The following ADGRG2 variants were observed in gnomAD, a reference collection of about 807,000 sequenced individuals.
ADGRG2 encodes the protein adhesion G protein-coupled receptor G2, also known as G protein-coupled receptor 64.
In ADGRG2, 26 loss-of-function variants were observed where a neutral mutation model predicts 74.1. That is an observed-to-expected ratio of 0.35 (90% CI 0.26 to 0.49). The LOEUF (loss-of-function observed/expected upper bound fraction) is 0.49, where lower values mean the gene tolerates loss of function less well. Among genes scored for constraint, ADGRG2 ranks in the 20% least tolerant of loss-of-function variants. ADGRG2 has a pLI of 0.99. For missense variants in ADGRG2, 619 were observed against 763.1 expected, an observed-to-expected ratio of 0.81 and a Z score of 2.22; for synonymous variants, 296 against 295.2, an observed-to-expected ratio of 1.00 and a Z score of -0.03.
At chrX:19,024,439 C>T in intron 11 of ADGRG2, among the ~76,000 whole-genome samples, 2 of 112,071 alleles carry the variant, frequency 1.8e-5, no homozygotes, top group Non-Finnish European at 3.8e-5. Flanking sequence ...CTTTCCTCTC[C>T]TCCAATCCCA....
chrX:19,093,007 T>A (rs151207898), intron 1 of ADGRG2, among the ~76,000 whole-genome samples: 1,515 of 112,185 alleles, frequency 0.014, 29 homozygotes, highest in African/African-American at 0.046. Flanking sequence ...TTCACCTTTA[T>A]ATTAACAAAC....
At chrX:19,070,767 T>C (rs4825283) in intron 2 of ADGRG2, among the ~76,000 whole-genome samples, 32,106 of 111,005 alleles carry the variant, frequency 0.29, 3,479 homozygotes, top group East Asian at 0.42. Context: ...TGGTGAAGAC[T>C]AAAGAGCATG....
At chrX:19,004,040 C>T (rs954551228) in intron 23 of ADGRG2, among the ~76,000 whole-genome samples, 21 of 112,129 alleles carry the variant, frequency 1.9e-4, no homozygotes, top group African/African-American at 6.2e-4. Context: ...CTAGAAGATC[C>T]GTAGTCACAG....
In ADGRG2 at chrX:19,013,988, C is replaced by T. The variant is rs750514534; in HGVS notation, c.797G>A (p.Arg266Gln). ...SSSQSIPVVP[R>Q]ATVLSQVPKA... ...GGGGACCTGGGAAAGCACAGTGGCC[C>T]GAGGCACCACTGGGATGGATTGGCT... The change falls in exon 16 of 29, where the codon CGG becomes CAG. Residue 266 changes from arginine (R) to glutamine (Q), a missense_variant. By Grantham distance (43) the Arg-to-Gln change is conservative. Coordinates refer to ENST00000379869, the MANE Select transcript of ADGRG2 (RefSeq NM_001079858.3). 6 of 1,207,008 alleles carry T rather than the reference C, an allele frequency of 5.0e-6. No individual in the cohort carries two copies. The highest frequency in any genetic ancestry group is 2.2e-5 in the Admixed American group (1 of 45,527).
At chrX:19,070,229 T>C (rs1357607424) in intron 2 of ADGRG2, among the ~76,000 whole-genome samples, 3 of 112,961 alleles carry the variant, frequency 2.7e-5, no homozygotes, top group Admixed American at 9.3e-5. Context: ...TTTTGTTGCA[T>C]ATTATTTTAT....
At position 19,047,833 on chromosome X, in the gene ADGRG2, C is replaced by G. The variant is rs147557733; in HGVS notation, c.119-7609G>C. Among the ~76,000 whole-genome samples, 640 of 111,815 alleles carry G rather than the reference C, an allele frequency of 5.7e-3. 7 individuals are homozygous for G. Among genetic ancestry groups the G allele is most frequent in the African/African-American group, 0.02 (600 of 30,754 alleles). On this transcript the variant is annotated intron_variant, in intron 3 of 28. Transcript: ENST00000379869. ...GGCATTTTCCGAGTTTACTACATAA[C>G]CCCCAAAACTGAATGAAAACATTTC... is the stretch of plus-strand genomic sequence containing the variant.
intron 1 of ADGRG2, among the ~76,000 whole-genome samples, chrX:19,087,911 A>G (rs1214585440): frequency 3.6e-5 from 4 of 110,877 alleles, no homozygotes; most frequent in Non-Finnish European, 5.7e-5. Context: ...TCCCTAGCTT[A>G]AGGCTTGCCA....
At chrX:19,058,441 C>G in intron 3 of ADGRG2, among the ~76,000 whole-genome samples, 1 of 110,761 alleles carries the variant, frequency 9.0e-6, no homozygotes, top group Non-Finnish European at 1.9e-5. Context: ...AGGAGCAAGG[C>G]AAAAATGTCT....
chrX:19,115,876 A>G (rs908389491), intron 1 of ADGRG2, among the ~76,000 whole-genome samples: 2 of 110,383 alleles, frequency 1.8e-5, no homozygotes, highest in African/African-American at 6.6e-5. Context: ...ACTGCACTCC[A>G]GCCTGGGCTA....
At chrX:19,092,926 A>G (rs2062035937) in intron 1 of ADGRG2, among the ~76,000 whole-genome samples, 1 of 112,149 alleles carries the variant, frequency 8.9e-6, no homozygotes, top group Non-Finnish European at 1.9e-5. Flanking sequence ...GAGAATATAA[A>G]TTACAGAAGG....
Position 18,996,100 on chromosome X carries a change from T to C in ADGRG2, c.2667A>G (p.Gln889=). The C allele has an allele frequency of 1.7e-6, 2 of 1,194,768 alleles. No homozygotes were observed. Among genetic ancestry groups the C allele is most frequent in the Non-Finnish European group, 2.3e-6 (2 of 880,598 alleles). ...YCVAKENVRK[Q]WRRYLCCGKL... ...TTCCACAACAAAGATACCGCCTCCATTGCTTCCTGACATTTTCTTTGGCCA... is the reference window on the plus strand; with the variant it reads ...TTCCACAACAAAGATACCGCCTCCACTGCTTCCTGACATTTTCTTTGGCCA... Residue 889 remains glutamine, a synonymous_variant, in exon 27 of 29, where the codon CAA becomes CAG. Coordinates refer to ENST00000379869, the MANE Select transcript of ADGRG2 (RefSeq NM_001079858.3).
At chrX:19,018,873 T>C (rs1359270097) in intron 15 of ADGRG2, among the ~76,000 whole-genome samples, 1 of 112,049 alleles carries the variant, frequency 8.9e-6, no homozygotes. Context: ...GACGGAGTCT[T>C]GCACTTTCAC....
chrX:19,056,550 G>A (rs2061413214), intron 3 of ADGRG2, among the ~76,000 whole-genome samples: 1 of 112,146 alleles, frequency 8.9e-6, no homozygotes, highest in Non-Finnish European at 1.9e-5. Context: ...AAACCATTAA[G>A]AGGGTTGGAA....
intron 2 of ADGRG2, among the ~76,000 whole-genome samples, chrX:19,080,378 C>T (rs1214206583): frequency 9.0e-6 from 1 of 111,058 alleles, no homozygotes; most frequent in East Asian, 2.8e-4. Flanking sequence ...CCAATGCTTG[C>T]AGTATGTTTA....
At chrX:19,100,511 A>G (rs1046809899) in intron 1 of ADGRG2, among the ~76,000 whole-genome samples, 3 of 112,960 alleles carry the variant, frequency 2.7e-5, no homozygotes, top group African/African-American at 9.6e-5. Flanking sequence ...ATGCTATATA[A>G]AATTGCAACC....
At chrX:19,105,728 T>C (rs1019699373) in intron 1 of ADGRG2, among the ~76,000 whole-genome samples, 1 of 109,236 alleles carries the variant, frequency 9.2e-6, no homozygotes, top group Admixed American at 9.8e-5. Flanking sequence ...TAAAGTATAA[T>C]AAAAAAAATT....
intron 2 of ADGRG2, among the ~76,000 whole-genome samples, chrX:19,071,223 C>G (rs1335153362): frequency 8.9e-6 from 1 of 111,805 alleles, no homozygotes; most frequent in East Asian, 2.8e-4. Context: ...GTGAATCTTT[C>G]TCCTTCAGAA....
chrX:19,021,155 T>C lies in ADGRG2; in HGVS notation c.592A>G (p.Asn198Asp). 5.3e-6 allele frequency: 6 copies of C among 1,122,017 alleles called. No homozygotes were observed. Among genetic ancestry groups the C allele is most frequent in the Non-Finnish European group, 2.5e-6 (2 of 814,248 alleles). The allele number at this position is 1,122,017 out of a possible 1,213,427, so 92.5% of individuals were successfully genotyped here. ...AAAGCAGCTATTACAGCACATGCAT[T>C]CATTGTATTATTCAGTTTTATTGTG... is the stretch of plus-strand genomic sequence containing the variant. Reference protein sequence around the residue: ...TFTIKLNNTMNACAVIAALER... With the variant: ...TFTIKLNNTMDACAVIAALER... Residue 198 changes from asparagine to aspartate, a missense_variant, in exon 14 of 29, where the codon AAT becomes GAT. Around this residue, in one of 3 missense-constraint regions of ADGRG2, gnomAD observed 292 missense variants for 318.0 expected, o/e 0.92. Transcript: ENST00000379869.
chrX:19,043,003 T>C (rs903461216), intron 3 of ADGRG2, among the ~76,000 whole-genome samples: 13 of 107,567 alleles, frequency 1.2e-4, no homozygotes, highest in Non-Finnish European at 2.3e-4. Context: ...AAAAAAAAAG[T>C]AGATGAGGGG....
Sources: allele counts gnomAD v4.1 joint callset (sites outside exome capture counted in the v4.1 genomes callset), GRCh38; gene constraint gnomAD v4.1.1; regional missense constraint gnomAD v4.1.1; transcripts MANE v1.5; gene names NCBI Gene and HGNC (gene_info 2026-07-23, HGNC 2026-07-21).